CDH18: variants seen among roughly 807,000 people sequenced by gnomAD.
CDH18 encodes cadherin-18.
CDH18 carries 31 observed loss-of-function variants against 67.9 expected under a neutral mutation model. The observed-to-expected ratio is 0.46, with a 90% CI of 0.34 to 0.62. The LOEUF is 0.62. CDH18 is among the 20% of genes least tolerant of loss of function. The probability of loss-of-function intolerance (pLI) is 0.01; values close to 1 mark genes in which losing one functional copy is unlikely to be tolerated. For missense variants in CDH18, 890 were observed against 975.5 expected, an observed-to-expected ratio of 0.91 and a Z score of 1.17; for synonymous variants, 362 against 347.2, an observed-to-expected ratio of 1.04 and a Z score of -0.48.
intron 5 of CDH18, among the ~76,000 whole-genome samples, chr5:19,631,681 G>A (rs932439315): frequency 1.8e-4 from 2 of 10,926 alleles, no homozygotes; most frequent in Admixed American, 7.7e-4. Context: ...TTTGAACTAC[G>A]GGAAGATATT....
chr5:19,703,541 C>T (rs1217321934), intron 5 of CDH18, among the ~76,000 whole-genome samples: 2 of 152,040 alleles, frequency 1.3e-5, no homozygotes, highest in African/African-American at 4.8e-5. Context: ...AAAAGGGTGG[C>T]CTGACCCTCC....
intron 2 of CDH18, among the ~76,000 whole-genome samples, chr5:19,877,441 G>A (rs1787152185): frequency 6.6e-6 from 1 of 152,092 alleles, no homozygotes; most frequent in Non-Finnish European, 1.5e-5. Flanking sequence ...TACGAGGATA[G>A]TCATAAAGGT....
intron 2 of CDH18, among the ~76,000 whole-genome samples, chr5:19,994,286 T>TATATGTATACATATATACAC (rs1800154862): frequency 1.4e-5 from 2 of 147,282 alleles, no homozygotes; most frequent in Non-Finnish European, 2.9e-5. Context: ...TATATACACA[T>TATATGTATACATATATACAC]ATATGTATAC....
intron 1 of CDH18, among the ~76,000 whole-genome samples, chr5:20,332,178 A>C (rs1243195842): frequency 6.6e-6 from 1 of 152,232 alleles, no homozygotes; most frequent in Non-Finnish European, 1.5e-5. Flanking sequence ...AAATGTAAAT[A>C]TATAACTGGA....
intron 2 of CDH18, among the ~76,000 whole-genome samples, chr5:20,199,458 A>T (rs1434870410): frequency 1.3e-5 from 2 of 152,122 alleles, no homozygotes; most frequent in Non-Finnish European, 2.9e-5. Flanking sequence ...GAATGGGTTT[A>T]TTTACACAAT....
At chr5:20,416,286 A>G (rs1230895224) in intron 1 of CDH18, among the ~76,000 whole-genome samples, 3 of 152,160 alleles carry the variant, frequency 2.0e-5, no homozygotes, top group Non-Finnish European at 4.4e-5. Context: ...CATAAATTTG[A>G]GTTTGTAATT....
intron 2 of CDH18, among the ~76,000 whole-genome samples, chr5:20,138,165 C>A (rs985018333): frequency 6.6e-6 from 1 of 151,680 alleles, no homozygotes; most frequent in South Asian, 2.1e-4. Context: ...TCAACATATG[C>A]AAATCAATAA....
chr5:19,586,209 CTTTTA>C (rs1242371626), intron 7 of CDH18, among the ~76,000 whole-genome samples: 2 of 151,648 alleles, frequency 1.3e-5, no homozygotes, highest in Admixed American at 6.6e-5. Flanking sequence ...TTATTTTCAA[CTTTTA>C]TTTTAAGTTC....
chr5:20,558,764 C>T (rs62354289), intron 1 of CDH18, among the ~76,000 whole-genome samples: 2,595 of 151,594 alleles, frequency 0.017, 36 homozygotes, highest in African/African-American at 0.029. Flanking sequence ...AAGTTTAGGT[C>T]GACAATCATG....
At chr5:19,691,147 C>T (rs371840455) in intron 5 of CDH18, among the ~76,000 whole-genome samples, 223 of 147,812 alleles carry the variant, frequency 1.5e-3, no homozygotes, top group African/African-American at 5.2e-3. Flanking sequence ...AAATATAATA[C>T]ATCACAATAA....
chr5:20,040,510 T>C (rs533551066), intron 2 of CDH18, among the ~76,000 whole-genome samples: 3 of 152,214 alleles, frequency 2.0e-5, no homozygotes, highest in East Asian at 1.9e-4. Context: ...GTCATGAAGA[T>C]GGAACCAGAG....
rs189408963 is a variant in CDH18 at position 19,822,661 on chromosome 5, G to C, written c.228+16098C>G. On this transcript the variant is annotated intron_variant, in intron 3 of 12. Transcript: ENST00000382275. ...GTACGAATAGGGTGTGGGTCACAGA[G>C]AGCATGTGCTTCACAAGGTAATAGA... Among the ~76,000 whole-genome samples, 153 of 152,304 alleles carry C rather than the reference G, an allele frequency of 1.0e-3. 1 individual carries two copies. Among genetic ancestry groups the C allele is most frequent in the African/African-American group, 3.4e-3 (141 of 41,560 alleles).
chr5:20,432,905 T>C (rs1387036892), intron 1 of CDH18, among the ~76,000 whole-genome samples: 1 of 149,216 alleles, frequency 6.7e-6, no homozygotes, highest in East Asian at 1.9e-4. Context: ...TTATATAATA[T>C]ATATTTTAGG....
chr5:20,298,116 T>C (rs542166972), intron 1 of CDH18, among the ~76,000 whole-genome samples: 2 of 152,296 alleles, frequency 1.3e-5, no homozygotes, highest in Admixed American at 6.5e-5. Context: ...TACCTCTCCA[T>C]TGAAGTGTTT....
intron 2 of CDH18, among the ~76,000 whole-genome samples, chr5:19,964,691 G>A (rs1444643757): frequency 2.7e-5 from 4 of 150,118 alleles, no homozygotes; most frequent in Non-Finnish European, 5.9e-5. Context: ...GACCTTGAAT[G>A]TAAATTCTGA....
At chr5:20,466,801 C>T (rs1236964507) in intron 1 of CDH18, among the ~76,000 whole-genome samples, 1 of 152,014 alleles carries the variant, frequency 6.6e-6, no homozygotes, top group Non-Finnish European at 1.5e-5. Context: ...ATCATGCCTG[C>T]CACATAGACA....
intron 2 of CDH18, among the ~76,000 whole-genome samples, chr5:19,885,339 G>A (rs1788082333): frequency 6.6e-6 from 1 of 152,132 alleles, no homozygotes; most frequent in Non-Finnish European, 1.5e-5. Context: ...GCTGTCAAGA[G>A]TACTAGCTGT....
At chr5:19,565,001 G>A (rs2149902590) in intron 8 of CDH18, among the ~76,000 whole-genome samples, 1 of 151,926 alleles carries the variant, frequency 6.6e-6, no homozygotes, top group South Asian at 2.1e-4. Context: ...TCTTGTGGCT[G>A]GGGTGTCAGC....
intron 2 of CDH18, among the ~76,000 whole-genome samples, chr5:19,897,943 A>T (rs1789531502): frequency 6.6e-6 from 1 of 152,066 alleles, no homozygotes; most frequent in Non-Finnish European, 1.5e-5. Context: ...CTTTATCTGG[A>T]TGAAGGGAAC....
Sources: gnomAD v4.1 joint callset for allele counts (sites outside exome capture counted in the v4.1 genomes callset) on GRCh38, gnomAD v4.1.1 for gene constraint, MANE v1.5 for transcripts, NCBI Gene and HGNC (gene_info 2026-07-23, HGNC 2026-07-21) for gene names.